Variants in TBX5 observed in about 807,000 individuals in gnomAD.
The protein encoded by TBX5 is T-box transcription factor TBX5.
In TBX5, 8 loss-of-function variants were observed where a neutral mutation model predicts 51.1. That is an observed-to-expected ratio of 0.16 (90% CI 0.09 to 0.28). The LOEUF is 0.28. Among genes scored for constraint, TBX5 ranks in the 10% least tolerant of loss-of-function variants. The pLI is 1.00. For synonymous variants in TBX5, 302 were observed against 266.4 expected (o/e 1.13, Z -1.30); for missense variants, 589 against 671.7 (o/e 0.88, Z 1.36).
intron 8 of TBX5, among the ~76,000 whole-genome samples, chr12:114,363,276 A>C (rs1869340657): frequency 1.3e-5 from 2 of 152,196 alleles, no homozygotes; most frequent in Admixed American, 1.3e-4. Flanking sequence ...ATCAGCCCCC[A>C]ACTCCAGCTT....
chr12:114,386,064 A>G (rs1780172811), intron 6 of TBX5, among the ~76,000 whole-genome samples: 1 of 152,136 alleles, frequency 6.6e-6, no homozygotes, highest in African/African-American at 2.4e-5. Context: ...TTTCATGTTC[A>G]TTTCATAGTT....
intron 7 of TBX5, among the ~76,000 whole-genome samples, chr12:114,384,264 C>T (rs891147802): frequency 5.2e-5 from 5 of 95,426 alleles, no homozygotes; most frequent in East Asian, 3.3e-4. Flanking sequence ...GAAACAGGGT[C>T]ATTCTCTTGT....
At chr12:114,363,805 T>C (rs7310159) in intron 8 of TBX5, among the ~76,000 whole-genome samples, 34,295 of 152,188 alleles carry the variant, frequency 0.23, 4,115 homozygotes, top group Non-Finnish European at 0.27. Context: ...CGAAAAAGCT[T>C]GATCTGGGAC....
intron 7 of TBX5, among the ~76,000 whole-genome samples, chr12:114,382,096 AAT>A (rs1870535454): frequency 6.6e-6 from 1 of 152,186 alleles, no homozygotes; most frequent in African/African-American, 2.4e-5. Flanking sequence ...CATCTGCCTA[AAT>A]ATATAAACAG....
chr12:114,373,898 T>C (rs991117496), intron 7 of TBX5, among the ~76,000 whole-genome samples: 6 of 152,256 alleles, frequency 3.9e-5, no homozygotes, highest in Non-Finnish European at 8.8e-5. Context: ...TCTTTTCTTT[T>C]ACATGATTTT....
intron 3 of TBX5, among the ~76,000 whole-genome samples, chr12:114,399,868 C>G (rs892208251): frequency 5.3e-5 from 8 of 152,156 alleles, no homozygotes; most frequent in Non-Finnish European, 1.0e-4. Flanking sequence ...AAGCGGAAAA[C>G]AAACCAGGAC....
intron 8 of TBX5, among the ~76,000 whole-genome samples, chr12:114,365,247 A>T: frequency 6.6e-6 from 1 of 151,848 alleles, no homozygotes; most frequent in East Asian, 1.9e-4. Flanking sequence ...CCTGGGAGAA[A>T]CACTGACACA....
At chr12:114,373,335 A>C (rs1870019031) in intron 7 of TBX5, among the ~76,000 whole-genome samples, 1 of 152,248 alleles carries the variant, frequency 6.6e-6, no homozygotes. Flanking sequence ...CAAGAGGCCT[A>C]TCTCACAGGG....
At chr12:114,401,691 C>T (rs931162022) in intron 3 of TBX5, 135 bp downstream of exon 3, 14 of 801,154 alleles carry the variant, frequency 1.7e-5, no homozygotes, top group African/African-American at 1.5e-4. Context: ...CTCCTCTCCT[C>T]TCCTTTCTCT....
chr12:114,371,872 C>T (rs1021353988), intron 7 of TBX5, among the ~76,000 whole-genome samples: 2 of 152,070 alleles, frequency 1.3e-5, no homozygotes, highest in African/African-American at 4.8e-5. Context: ...AGAGGGCACA[C>T]CCAAGGCTGG....
At chr12:114,356,473 T>C (rs1309025714) in intron 8 of TBX5, among the ~76,000 whole-genome samples, 1 of 152,124 alleles carries the variant, frequency 6.6e-6, no homozygotes, top group Non-Finnish European at 1.5e-5. Flanking sequence ...TGCACGCCTA[T>C]AGTTCCAGCT....
chr12:114,400,931 C>A (rs775934384), intron 3 of TBX5, among the ~76,000 whole-genome samples: 8 of 152,210 alleles, frequency 5.3e-5, no homozygotes, highest in Non-Finnish European at 1.0e-4. Flanking sequence ...GCTCCACCCT[C>A]CCCCTTCACA....
intron 7 of TBX5, among the ~76,000 whole-genome samples, chr12:114,381,291 C>T (rs551147655): frequency 1.8e-4 from 27 of 152,234 alleles, no homozygotes; most frequent in Non-Finnish European, 3.5e-4. Context: ...ATATTTCATC[C>T]CTCCTGCTTT....
rs1227377137 is a variant in TBX5, at chr12:114,403,752, C to T, written c.147G>A (p.Gln49=). Residue 49 remains glutamine, a splice_region_variant and synonymous_variant, in exon 2 of 9, where the codon CAG becomes CAA. Coordinates refer to ENST00000405440, the MANE Select transcript of TBX5 (RefSeq NM_181486.4). ...PSSPQAAFTQ[Q]GMEGIKVFLH... is the part of the protein sequence containing the mutation. ...GACCCGAAGCGCGAGGTCTCCTTAC[C>T]TGCTGGGTGAAGGCGGCCTGCGGGG... 6.2e-7 allele frequency: 1 copy of T among 1,613,418 alleles called. No individual in the cohort carries two copies. The highest frequency in any genetic ancestry group is 1.1e-5 in the South Asian group (1 of 91,060).
intron 6 of TBX5, among the ~76,000 whole-genome samples, chr12:114,387,915 C>T (rs1247971): frequency 0.58 from 88,721 of 152,080 alleles, 26,506 homozygotes; most frequent in Admixed American, 0.72. Context: ...TAGCTCACTG[C>T]AGCCTCAAAC....
rs1871674728 is a variant in TBX5 at position 114,399,647 on chromosome 12, C to T, written c.243-15G>A. 3.1e-6 allele frequency: 5 copies of T among 1,613,834 alleles called. No individual in the cohort carries two copies. The African/African-American group carries it at 4.0e-5, about 13-fold the overall frequency. ...GAAACATCCGCCTAAGAGAGAGGGA[C>T]GGAGGGAGAGAGGGGGGCGGGAATT... On this transcript the variant is annotated splice_polypyrimidine_tract_variant and intron_variant, in intron 3 of 8. Coordinates refer to ENST00000405440, the MANE Select transcript of TBX5 (RefSeq NM_181486.4).
chr12:114,401,526 C>T (rs1420031768), intron 3 of TBX5, among the ~76,000 whole-genome samples: 2 of 152,180 alleles, frequency 1.3e-5, no homozygotes, highest in African/African-American at 4.8e-5. Context: ...CCAGATAGCA[C>T]GGCCTCCCAA....
chr12:114,368,332 CTCAA>C (rs57863558), intron 7 of TBX5, among the ~76,000 whole-genome samples: 3,079 of 151,668 alleles, frequency 0.02, 54 homozygotes, highest in African/African-American at 0.047. Context: ...GAAACCCTGT[CTCAA>C]TCAATCAATC....
intron 4 of TBX5, 80 bp downstream of exon 4, chr12:114,399,433 C>A (rs2136417902): frequency 6.4e-7 from 1 of 1,558,700 alleles, no homozygotes; most frequent in Non-Finnish European, 8.8e-7. Context: ...AAAAAAAGTT[C>A]ACTGATACAA....
Sources: gnomAD v4.1 joint callset for allele counts (sites outside exome capture counted in the v4.1 genomes callset) on GRCh38, gnomAD v4.1.1 for gene constraint, MANE v1.5 for transcripts, NCBI Gene and HGNC (gene_info 2026-07-23, HGNC 2026-07-21) for gene names.